The following LGMN variants were observed in gnomAD, a reference collection of about 807,000 sequenced individuals.
LGMN encodes the protein legumain.
LGMN carries 36 observed loss-of-function variants against 56.8 expected under a neutral mutation model. That is an observed-to-expected ratio of 0.63 (90% CI 0.49 to 0.84). The LOEUF (loss-of-function observed/expected upper bound fraction) is 0.84. Ranked by LOEUF, LGMN falls within the 40% of genes least tolerant of loss-of-function variation. LGMN has a pLI of 0.00. For missense variants in LGMN, 446 were observed against 556.1 expected (o/e 0.80, Z 1.99); for synonymous variants, 199 against 210.1 (o/e 0.95, Z 0.46).
intron 2 of LGMN, among the ~76,000 whole-genome samples, chr14:92,722,940 A>G (rs185696533): frequency 1.3e-5 from 2 of 152,360 alleles, no homozygotes; most frequent in Admixed American, 6.5e-5. Flanking sequence ...AAGAGCCTCC[A>G]TACATACACT....
chr14:92,737,038 TC>T (rs1891339651), intron 1 of LGMN, among the ~76,000 whole-genome samples: 1 of 152,118 alleles, frequency 6.6e-6, no homozygotes, highest in African/African-American at 2.4e-5. Context: ...CCCAGCAGCC[TC>T]CCTGGAAAGC....
intron 2 of LGMN, among the ~76,000 whole-genome samples, chr14:92,727,498 C>A (rs1366687971): frequency 1.3e-5 from 2 of 150,836 alleles, no homozygotes; most frequent in Non-Finnish European, 2.9e-5. Flanking sequence ...AATTAGCCAA[C>A]CCTGGAGTCT....
At position 92,709,669 on chromosome 14, in the gene LGMN, C is replaced by G. The variant is rs774755505; in HGVS notation, c.1020+3G>C. On this transcript the variant is annotated splice_donor_region_variant and intron_variant, in intron 11 of 13. Coordinates refer to ENST00000334869, the MANE Select transcript of LGMN (RefSeq NM_005606.7). ...GGGCACAGCTCCTTTCACCACTACT[C>G]ACATCCAGATGCCGCTGGATCTCCT... The G allele has an allele frequency of 6.2e-7, 1 of 1,612,254 alleles. No individual in the cohort carries two copies. The highest frequency in any genetic ancestry group is 8.5e-7 in the Non-Finnish European group (1 of 1,179,294).
At chr14:92,744,840 C>A (rs1164833568) in intron 1 of LGMN, among the ~76,000 whole-genome samples, 1 of 152,120 alleles carries the variant, frequency 6.6e-6, no homozygotes, top group Non-Finnish European at 1.5e-5. Flanking sequence ...GTGATCCGCC[C>A]GGCTCAGCCT....
chr14:92,709,960 T>C, intron 10 of LGMN, 88 bp from the exon 11 acceptor site: 1 of 1,129,846 alleles, frequency 8.9e-7, no homozygotes, highest in Non-Finnish European at 1.3e-6. Context: ...GAGAGCTGGT[T>C]TGAGTGGGAG....
At chr14:92,704,753 C>A in intron 12 of LGMN, 46 bp from the exon 13 acceptor site, 1 of 1,472,452 alleles carries the variant, frequency 6.8e-7, no homozygotes, top group Non-Finnish European at 9.5e-7. Context: ...CATCTCACCA[C>A]ACAATCCACT....
At chr14:92,731,047 G>C (rs1008637334) in intron 2 of LGMN, among the ~76,000 whole-genome samples, 1 of 152,102 alleles carries the variant, frequency 6.6e-6, no homozygotes, top group Non-Finnish European at 1.5e-5. Flanking sequence ...CAGTTGGCCT[G>C]GGTTTGAAAA....
chr14:92,710,525 A>G (rs1682370204), intron 10 of LGMN, among the ~76,000 whole-genome samples: 1 of 152,220 alleles, frequency 6.6e-6, no homozygotes, highest in South Asian at 2.1e-4. Flanking sequence ...CGGTCACTAC[A>G]GACTGGCTCC....
chr14:92,704,854 T>G, intron 12 of LGMN, 147 bp from the exon 13 acceptor site: 1 of 665,380 alleles, frequency 1.5e-6, no homozygotes, highest in Non-Finnish European at 2.8e-6. Context: ...TTAGATAATC[T>G]GGTGATATTT....
At chr14:92,731,446 G>A (rs1313718432) in intron 2 of LGMN, among the ~76,000 whole-genome samples, 1 of 152,084 alleles carries the variant, frequency 6.6e-6, no homozygotes, top group African/African-American at 2.4e-5. Context: ...CATGTCCATC[G>A]GCAATTACTC....
chr14:92,746,054 G>A (rs574925023), intron 1 of LGMN, among the ~76,000 whole-genome samples: 7 of 151,982 alleles, frequency 4.6e-5, no homozygotes, highest in African/African-American at 7.2e-5. Flanking sequence ...ATCTCCTGAC[G>A]TCATGATCCG....
chr14:92,739,680 T>C (rs1891463002), intron 1 of LGMN, among the ~76,000 whole-genome samples: 1 of 152,020 alleles, frequency 6.6e-6, no homozygotes, highest in Admixed American at 6.6e-5. Context: ...GGAGGTGTCA[T>C]TTGTAAAAGG....
At chr14:92,739,426 C>T (rs1285169323) in intron 1 of LGMN, among the ~76,000 whole-genome samples, 1 of 152,170 alleles carries the variant, frequency 6.6e-6, no homozygotes, top group African/African-American at 2.4e-5. Context: ...TCTCCTTTAA[C>T]TTCCTCTCCT....
rs199554909 is a variant in LGMN at position 92,717,449 on chromosome 14, T to G, written c.249A>C (p.Pro83=). 1 of 1,612,700 alleles carries G rather than the reference T, an allele frequency of 6.2e-7. No homozygotes were observed. The highest frequency in any genetic ancestry group is 2.2e-5 in the East Asian group (1 of 44,882). Residue 83 remains proline (P), a synonymous_variant, in exon 4 of 14, where the codon CCA becomes CCC. Transcript: ENST00000334869. ...CATTGGGCCTGTTGATCACAATTCCTGGAGTGGGATTGCTGAAAATTAAAG... is the reference window on the plus strand; with the variant it reads ...CATTGGGCCTGTTGATCACAATTCCGGGAGTGGGATTGCTGAAAATTAAAG... ...DIAYSEDNPT[P]GIVINRPNGT...
rs765034774 is a variant in LGMN, at chr14:92,732,796, T to TG, written c.-11dup. The TG allele has an allele frequency of 3.7e-6, 6 of 1,611,250 alleles. No homozygotes were observed. In the African/African-American group the frequency reaches 8.0e-5, roughly 22 times the overall value. ...CTACTTTCCAAACCATTCTGCACCT[T>TG]GGAGTTCAATTGCAGACACCTGAGA... On this transcript the variant is annotated 5_prime_UTR_variant, in exon 2 of 14. Coordinates refer to ENST00000334869, the MANE Select transcript of LGMN (RefSeq NM_005606.7).
rs760405421 is a variant in LGMN at position 92,717,388 on chromosome 14, T to C, written c.310A>G (p.Thr104Ala). 124 of 1,608,198 alleles carry C rather than the reference T, an allele frequency of 7.7e-5. 1 individual carries two copies. In the South Asian group the frequency reaches 1.3e-3, roughly 17 times the overall value. The change falls in exon 4 of 14, where the codon ACT becomes GCT. Residue 104 changes from threonine (T) to alanine (A), a missense_variant. Physicochemically the swap from Thr to Ala is moderately conservative, Grantham distance 58. Transcript: ENST00000334869. ...CCGTAGAAGCCACTCACCTCTCCAG[T>C]GTAGTCCTTCGGGACTCCCTGATAG... is the stretch of plus-strand genomic sequence containing the variant. The part of the protein sequence containing the change: ...DVYQGVPKDY[T>A]GEDVTPQNFL...
intron 1 of LGMN, among the ~76,000 whole-genome samples, chr14:92,735,418 G>A (rs1045651073): frequency 6.6e-6 from 1 of 152,104 alleles, no homozygotes; most frequent in East Asian, 1.9e-4. Flanking sequence ...TGTTGCCCAG[G>A]CTGGTCTCAA....
intron 2 of LGMN, among the ~76,000 whole-genome samples, chr14:92,722,570 C>T (rs1690744142): frequency 6.6e-6 from 1 of 152,002 alleles, no homozygotes; most frequent in Non-Finnish European, 1.5e-5. Flanking sequence ...GGCGACAGAG[C>T]AAGACTCTGT....
Position 92,704,141 on chromosome 14 carries a change from G to C in LGMN, c.*178C>G. On this transcript the variant is annotated 3_prime_UTR_variant, in exon 14 of 14. Coordinates refer to ENST00000334869, the MANE Select transcript of LGMN (RefSeq NM_005606.7). ...TTTGTAGTTTTTCAGAAAAGACTGG[G>C]GAAGCAGGTAACAGCGAGCAAGTCA... 1.3e-6 allele frequency: 1 copy of C among 759,538 alleles called. No individual in the cohort carries two copies. The highest frequency in any genetic ancestry group is 2.0e-5 in the Admixed American group (1 of 50,724). 47.0% of individuals were successfully genotyped at this position (759,538 alleles called of 1,614,324 possible).
Sources: gnomAD v4.1 joint callset for allele counts (sites outside exome capture counted in the v4.1 genomes callset) on GRCh38, gnomAD v4.1.1 for gene constraint, MANE v1.5 for transcripts, NCBI Gene and HGNC (gene_info 2026-07-23, HGNC 2026-07-21) for gene names.